RIMBP2: variants seen among roughly 807,000 people sequenced by gnomAD.
RIMBP2 encodes the protein RIMS binding protein 2.
A neutral mutation model predicts 118.6 loss-of-function variants in RIMBP2; 48 were observed. The ratio of observed to expected loss-of-function variants is 0.40; its 90% CI spans 0.32 to 0.51. The LOEUF (loss-of-function observed/expected upper bound fraction) is 0.51, where lower values mean the gene tolerates loss of function less well. RIMBP2 is among the 20% of genes least tolerant of loss of function. The pLI is 0.41. For missense variants in RIMBP2, 1,551 were observed against 1,768.3 expected (o/e 0.88, Z 2.20); for synonymous variants, 762 against 742.9 (o/e 1.03, Z -0.42).
intron 7 of RIMBP2, among the ~76,000 whole-genome samples, chr12:130,455,685 A>G (rs1030901520): frequency 6.6e-6 from 1 of 152,188 alleles, no homozygotes; most frequent in Non-Finnish European, 1.5e-5. Context: ...ATATATTCTG[A>G]TAAGAACTAG....
Position 130,434,666 on chromosome 12 carries a change from A to G in RIMBP2, c.2253+68T>C. 6.7e-7 allele frequency: 1 copy of G among 1,502,272 alleles called. No individual in the cohort carries two copies. The highest frequency in any genetic ancestry group is 8.9e-7 in the Non-Finnish European group (1 of 1,124,978). 93.1% of individuals were successfully genotyped at this position (1,502,272 alleles called of 1,614,324 possible). A position where few individuals can be genotyped will look rare whatever the true frequency, so the allele number is the denominator to read the frequency against. On this transcript the variant is annotated intron_variant, in intron 14 of 22. Coordinates refer to ENST00000690449, the MANE Select transcript of RIMBP2 (RefSeq NM_001393629.1). The surrounding 1 kb of genome is among the most constrained non-coding windows in gnomAD (Gnocchi z 5.7). ...GCGGGGAAAGTGCCCATGTCTCTTG[A>G]TCTCCACGGGGCCCGCTCCGAGCCC...
intron 1 of RIMBP2, among the ~76,000 whole-genome samples, chr12:130,665,770 C>G (rs1477886727): frequency 6.6e-6 from 1 of 151,118 alleles, no homozygotes; most frequent in East Asian, 1.9e-4. Context: ...ACACACACAG[C>G]TCTAAAGGAC....
At chr12:130,458,205 C>T (rs1409464380) in intron 6 of RIMBP2, among the ~76,000 whole-genome samples, 1 of 152,046 alleles carries the variant, frequency 6.6e-6, no homozygotes, top group Admixed American at 6.6e-5. Flanking sequence ...CTAAAATAAA[C>T]CTAACAAATC....
intron 1 of RIMBP2, among the ~76,000 whole-genome samples, chr12:130,645,587 C>T (rs999274966): frequency 6.6e-6 from 1 of 152,196 alleles, no homozygotes; most frequent in Admixed American, 6.5e-5. Flanking sequence ...TGCCCTCTCC[C>T]ACTGGAGCAA....
chr12:130,490,615 C>T (rs2048550671), intron 4 of RIMBP2, among the ~76,000 whole-genome samples: 1 of 152,108 alleles, frequency 6.6e-6, no homozygotes. Flanking sequence ...AAGGCAGGTT[C>T]GGTAAGTTCC....
intron 1 of RIMBP2, among the ~76,000 whole-genome samples, chr12:130,632,390 C>T (rs1052537106): frequency 3.5e-5 from 5 of 143,726 alleles, no homozygotes; most frequent in African/African-American, 1.3e-4. Flanking sequence ...AAGTGATGTA[C>T]ATTTTTTTTT....
At chr12:130,451,007 C>G (rs1469509752) in intron 8 of RIMBP2, among the ~76,000 whole-genome samples, 188 bp downstream of exon 8, 1 of 151,664 alleles carries the variant, frequency 6.6e-6, no homozygotes, top group East Asian at 1.9e-4. Context: ...CACCTGTGTT[C>G]ACAGAGGGGC....
At chr12:130,713,116 GAA>G (rs1032278918) in intron 1 of RIMBP2, among the ~76,000 whole-genome samples, 1 of 60,552 alleles carries the variant, frequency 1.7e-5, no homozygotes, top group African/African-American at 5.6e-5. Context: ...GAAAAGGAGA[GAA>G]AGAGAGGGAA....
intron 1 of RIMBP2, among the ~76,000 whole-genome samples, chr12:130,709,887 T>C (rs2136872794): frequency 6.6e-6 from 1 of 152,214 alleles, no homozygotes; most frequent in Admixed American, 6.5e-5. Context: ...ATGGGCTTTC[T>C]TTTTGGTAGC....
intron 2 of RIMBP2, among the ~76,000 whole-genome samples, chr12:130,614,149 T>G (rs1213846254): frequency 6.6e-6 from 1 of 152,216 alleles, no homozygotes; most frequent in Non-Finnish European, 1.5e-5. Context: ...GGTAACACAG[T>G]TGCACGTATA....
chr12:130,490,133 A>G (rs1433841596), intron 4 of RIMBP2, among the ~76,000 whole-genome samples: 1 of 151,688 alleles, frequency 6.6e-6, no homozygotes, highest in Non-Finnish European at 1.5e-5. Flanking sequence ...CAAAAAAAAA[A>G]AAAAAAAAAG....
At position 130,437,202 on chromosome 12, in the gene RIMBP2, C is replaced by G. The variant is rs1244952655; in HGVS notation, c.1746G>C (p.Arg582=). The change falls in exon 13 of 23, where the codon CGG becomes CGC. Residue 582 remains arginine, a synonymous_variant. Coordinates refer to ENST00000690449, the MANE Select transcript of RIMBP2 (RefSeq NM_001393629.1). ...CGGACTCGCCCTGGGCGGAGAGGGTCCGCACGGTCACGCCCTTGGCCTCCA... is the reference window on the plus strand; with the variant it reads ...CGGACTCGCCCTGGGCGGAGAGGGTGCGCACGGTCACGCCCTTGGCCTCCA... The part of the protein sequence containing the change: ...RSLEAKGVTV[R]TLSAQGESVD... 6.3e-7 allele frequency: 1 copy of G among 1,585,520 alleles called. No homozygotes were observed. Among genetic ancestry groups the G allele is most frequent in the Non-Finnish European group, 8.6e-7 (1 of 1,169,066 alleles).
At chr12:130,534,544 T>C (rs920664173) in intron 2 of RIMBP2, among the ~76,000 whole-genome samples, 2 of 152,230 alleles carry the variant, frequency 1.3e-5, no homozygotes, top group African/African-American at 4.8e-5. Flanking sequence ...ACCCCTTAAA[T>C]ATATGCAAAT....
chr12:130,578,843 T>C lies in RIMBP2; in HGVS notation c.-217+49479A>G, dbSNP rs1479899170. Reference sequence around the variant, plus strand: ...TTCAGAAAGGCTTGGATTTATAAGATGTGCACCAAACATAACTAATGCTCC... The same window carrying C: ...TTCAGAAAGGCTTGGATTTATAAGACGTGCACCAAACATAACTAATGCTCC... On this transcript the variant is annotated intron_variant, in intron 2 of 22. Coordinates refer to ENST00000690449, the MANE Select transcript of RIMBP2 (RefSeq NM_001393629.1). This position sits in a 1 kb window ranked among gnomAD's most constrained non-coding sequence, Gnocchi z 4.1. Among the ~76,000 whole-genome samples the C allele has an allele frequency of 6.6e-6, 1 of 152,212 alleles. No individual in the cohort carries two copies. The highest frequency in any genetic ancestry group is 1.5e-5 in the Non-Finnish European group (1 of 68,046).
At position 130,442,776 on chromosome 12, in the gene RIMBP2, GGGGCT is replaced by G; in HGVS notation, c.692-121_692-117del. On this transcript the variant is annotated intron_variant, in intron 10 of 22. Transcript: ENST00000690449. The surrounding 1 kb of genome is among the most constrained non-coding windows in gnomAD (Gnocchi z 6.9). ...TAAGGCAGAGCAACAGGGTTGCCCT[GGGGCT>G]CCTCCGCTGTTCCCAGGAGTCCATG... The G allele has an allele frequency of 2.3e-6, 2 of 854,788 alleles. No homozygotes were observed. The highest frequency in any genetic ancestry group is 3.6e-6 in the Non-Finnish European group (2 of 560,470). The allele number at this position is 854,788 out of a possible 1,614,324, so 53.0% of individuals were successfully genotyped here. A position where few individuals can be genotyped will look rare whatever the true frequency, so the allele number is the denominator to read the frequency against.
intron 5 of RIMBP2, among the ~76,000 whole-genome samples, chr12:130,473,462 G>A (rs780594115): frequency 2.6e-5 from 4 of 152,190 alleles, no homozygotes; most frequent in Non-Finnish European, 5.9e-5. Flanking sequence ...CAGAAGGGAG[G>A]GCAGATTCCC....
intron 1 of RIMBP2, among the ~76,000 whole-genome samples, chr12:130,699,560 A>C (rs934410316): frequency 8.4e-6 from 1 of 118,880 alleles, no homozygotes; most frequent in Non-Finnish European, 1.6e-5. Flanking sequence ...GGGGAACATC[A>C]CACACCGGGG....
At chr12:130,699,672 T>TA (rs2065753901) in intron 1 of RIMBP2, among the ~76,000 whole-genome samples, 1 of 151,886 alleles carries the variant, frequency 6.6e-6, no homozygotes, top group Non-Finnish European at 1.5e-5. Flanking sequence ...GACACATGTA[T>TA]ACATATGTAA....
intron 3 of RIMBP2, among the ~76,000 whole-genome samples, chr12:130,507,321 A>C (rs1197811268): frequency 6.6e-6 from 1 of 152,168 alleles, no homozygotes; most frequent in African/African-American, 2.4e-5. Flanking sequence ...TGAGCACCCA[A>C]ATCAAGCTGA....
Sources: gnomAD v4.1 joint callset for allele counts (sites outside exome capture counted in the v4.1 genomes callset) on GRCh38, gnomAD v4.1.1 for gene constraint, Gnocchi (gnomAD v3.1) non-coding constraint, MANE v1.5 for transcripts, NCBI Gene and HGNC (gene_info 2026-07-23, HGNC 2026-07-21) for gene names.